PALD1: variants seen among roughly 807,000 people sequenced by gnomAD.
PALD1 encodes paladin.
In PALD1, 57 loss-of-function variants were observed where a neutral mutation model predicts 96.0. The ratio of observed to expected loss-of-function variants is 0.59; its 90% confidence interval spans 0.48 to 0.74. The LOEUF (loss-of-function observed/expected upper bound fraction) is 0.74. Among genes scored for constraint, PALD1 ranks in the 30% least tolerant of loss-of-function variants. PALD1 has a pLI of 0.00. For synonymous variants in PALD1, 464 were observed against 473.6 expected (o/e 0.98, Z 0.26); for missense variants, 1,063 against 1,143.7 (o/e 0.93, Z 1.02).
In PALD1 at chr10:70,529,935, T is replaced by C; in HGVS notation, c.335T>C (p.Leu112Pro). 2 of 1,613,964 alleles carry C rather than the reference T, an allele frequency of 1.2e-6. No individual in the cohort carries two copies. The highest frequency in any genetic ancestry group is 2.2e-5 in the South Asian group (2 of 91,080). Residue 112 changes from leucine to proline, a missense_variant, in exon 4 of 20, where the codon CTG (leucine) becomes CCG (proline). Coordinates refer to ENST00000263563, the MANE Select transcript of PALD1 (RefSeq NM_014431.3). ...GATGTCACTGAGAAGATGGATGTGC[T>C]GGGCACCGTGGGAAGCTGTGGGGCC... ...VRDVTEKMDVLGTVGSCGAPN... is the reference protein window; with the variant it reads ...VRDVTEKMDVPGTVGSCGAPN...
At chr10:70,531,230 G>GGTGC (rs747579677) in intron 4 of PALD1, 60 bp from the exon 5 acceptor site, 49 of 1,433,330 alleles carry the variant, frequency 3.4e-5, no homozygotes, top group Non-Finnish European at 4.8e-5. Context: ...GTGGGGCAGT[G>GGTGC]GTGCAGGTGT....
At position 70,540,986 on chromosome 10, in the gene PALD1, C is replaced by T. The variant is rs1030269347; in HGVS notation, c.1909-116C>T. The T allele has an allele frequency of 1.9e-5, 22 of 1,154,692 alleles. No individual in the cohort carries two copies. Among genetic ancestry groups the T allele is most frequent in the Middle Eastern group, 4.4e-4 (2 of 4,546 alleles). The allele number at this position is 1,154,692 out of a possible 1,614,324, so 71.5% of individuals were successfully genotyped here. A position where few individuals can be genotyped will look rare whatever the true frequency, so the allele number is the denominator to read the frequency against. ...TTGTTTGTGTGTGCAAGCTTGGGAG[C>T]CTGACAATTTCTGGCCCGAGGACAG... On this transcript the variant is annotated intron_variant, in intron 15 of 19. Transcript: ENST00000263563. This position sits in a 1 kb window ranked among gnomAD's most constrained non-coding sequence, Gnocchi z 4.2.
chr10:70,509,575 G>A (rs1435542712), intron 1 of PALD1, among the ~76,000 whole-genome samples: 1 of 152,234 alleles, frequency 6.6e-6, no homozygotes, highest in Non-Finnish European at 1.5e-5. Context: ...GCTGGGTGGA[G>A]CACAGGCTGA....
Position 70,534,533 on chromosome 10 carries a change from G to C in PALD1, c.1122+9G>C. The C allele has an allele frequency of 2.5e-6, 4 of 1,598,998 alleles. No homozygotes were observed. Among genetic ancestry groups the C allele is most frequent in the Non-Finnish European group, 3.4e-6 (4 of 1,168,378 alleles). On this transcript the variant is annotated intron_variant, in intron 9 of 19. Coordinates refer to ENST00000263563, the MANE Select transcript of PALD1 (RefSeq NM_014431.3). The stretch of plus-strand genomic sequence containing the variant: ...GGAGGATGGTGGAAGAGGTGAGTGA[G>C]GGACAGCAAAGGGCTGGGGCAGGGG...
At chr10:70,512,575 C>T (rs1382095299) in intron 1 of PALD1, among the ~76,000 whole-genome samples, 2 of 152,238 alleles carry the variant, frequency 1.3e-5, no homozygotes, top group African/African-American at 4.8e-5. Context: ...TGGTCTGTGT[C>T]TGGGCTGCTG....
intron 5 of PALD1, among the ~76,000 whole-genome samples, chr10:70,532,407 GC>G (rs1259652653): frequency 6.6e-6 from 1 of 152,224 alleles, no homozygotes; most frequent in East Asian, 1.9e-4. Context: ...ACTGGGCAGA[GC>G]CCTCCTGCCT....
intron 1 of PALD1, among the ~76,000 whole-genome samples, chr10:70,516,404 G>T (rs1846621011): frequency 6.6e-6 from 1 of 152,190 alleles, no homozygotes; most frequent in Non-Finnish European, 1.5e-5. Context: ...ACAGGTGTGA[G>T]CTATCGCTCC....
chr10:70,513,949 G>A (rs866814471), intron 1 of PALD1, among the ~76,000 whole-genome samples: 1 of 152,310 alleles, frequency 6.6e-6, no homozygotes, highest in South Asian at 2.1e-4. Flanking sequence ...TTGTCATCCC[G>A]AGAACCCGCC....
intron 1 of PALD1, among the ~76,000 whole-genome samples, chr10:70,513,213 C>A (rs1038908760): frequency 6.6e-6 from 1 of 152,124 alleles, no homozygotes; most frequent in Non-Finnish European, 1.5e-5. Context: ...TGAAAGAGTT[C>A]GCCGGGTGCG....
intron 1 of PALD1, among the ~76,000 whole-genome samples, chr10:70,516,859 A>G (rs748404682): frequency 6.6e-5 from 10 of 152,054 alleles, no homozygotes; most frequent in East Asian, 1.9e-4. Context: ...CCCAGCCCCA[A>G]TATACATTGT....
intron 10 of PALD1, among the ~76,000 whole-genome samples, chr10:70,537,112 C>CT (rs1056446962): frequency 0.012 from 1,672 of 144,360 alleles, 26 homozygotes; most frequent in African/African-American, 0.037. Flanking sequence ...GGCTCCAGTT[C>CT]TTTTTTTTTT....
chr10:70,459,585 C>A, the PALD1 span, among the ~76,000 whole-genome samples: 1 of 152,180 alleles, frequency 6.6e-6, no homozygotes, highest in African/African-American at 2.4e-5. Flanking sequence ...TCAAGGGGCC[C>A]ACATGACCTT....
chr10:70,548,468 G>T (rs1252258726), intron 18 of PALD1, among the ~76,000 whole-genome samples: 1 of 152,170 alleles, frequency 6.6e-6, no homozygotes, highest in East Asian at 1.9e-4. Flanking sequence ...GTGGGCTCTG[G>T]AGTTTTTGGC....
chr10:70,504,002 T>G (rs969423653), intron 1 of PALD1, among the ~76,000 whole-genome samples: 5 of 152,248 alleles, frequency 3.3e-5, no homozygotes, highest in African/African-American at 1.2e-4. Context: ...TGAGCCCTGC[T>G]CAGCCACCTG....
At chr10:70,560,891 T>C (rs1847723928) in intron 18 of PALD1, among the ~76,000 whole-genome samples, 1 of 151,830 alleles carries the variant, frequency 6.6e-6, no homozygotes, top group Non-Finnish European at 1.5e-5. Flanking sequence ...CCACTATTTT[T>C]ATCAACAGGA....
chr10:70,472,383 C>T, the PALD1 span, among the ~76,000 whole-genome samples: 1 of 152,156 alleles, frequency 6.6e-6, no homozygotes, highest in Admixed American at 6.5e-5. Flanking sequence ...GCCTCAGCCT[C>T]CCCAGTAGCT....
At chr10:70,543,079 T>C (rs894932976) in intron 17 of PALD1, among the ~76,000 whole-genome samples, 1 of 143,766 alleles carries the variant, frequency 7.0e-6, no homozygotes, top group Non-Finnish European at 1.5e-5. Flanking sequence ...TTTTTTTTTT[T>C]GGATAATAGC....
chr10:70,458,874 C>T, the PALD1 span, among the ~76,000 whole-genome samples: 2 of 152,194 alleles, frequency 1.3e-5, no homozygotes, highest in African/African-American at 4.8e-5. Flanking sequence ...AATTGTGGGG[C>T]GCCACCAAAC....
chr10:70,528,269 T>C (rs1846913263), intron 2 of PALD1, among the ~76,000 whole-genome samples: 1 of 152,194 alleles, frequency 6.6e-6, no homozygotes, highest in Admixed American at 6.5e-5. Context: ...CAGTAAATCT[T>C]GTTTGAGTGT....
Sources: allele counts gnomAD v4.1 joint callset (sites outside exome capture counted in the v4.1 genomes callset), GRCh38; gene constraint gnomAD v4.1.1; non-coding constraint Gnocchi (gnomAD v3.1); transcripts MANE v1.5; gene names NCBI Gene and HGNC (gene_info 2026-07-23, HGNC 2026-07-21).